The following MLC1 variants were observed in gnomAD, a reference collection of about 807,000 sequenced individuals.
MLC1 encodes the protein modulator of VRAC current 1.
In MLC1, 32 loss-of-function variants were observed where a neutral mutation model predicts 44.7. The observed-to-expected ratio is 0.72, with a 90% CI of 0.54 to 0.96. The LOEUF is 0.96. Among genes scored for constraint, MLC1 ranks in the 40% least tolerant of loss-of-function variants. The pLI is 0.00. For synonymous variants in MLC1, 190 were observed against 213.0 expected (o/e 0.89, Z 0.94); for missense variants, 459 against 492.2 (o/e 0.93, Z 0.64).
intron 3 of MLC1, among the ~76,000 whole-genome samples, chr22:50,081,725 C>A (rs2062147375): frequency 6.6e-6 from 1 of 152,264 alleles, no homozygotes; most frequent in South Asian, 2.1e-4. Flanking sequence ...GCCAGGACAG[C>A]CAGGCTCAGC....
chr22:50,084,209 A>G (rs1200874794), intron 2 of MLC1, among the ~76,000 whole-genome samples: 1 of 152,116 alleles, frequency 6.6e-6, no homozygotes, highest in East Asian at 1.9e-4. Context: ...CTGTGCAGGG[A>G]ATGGCCAGGA....
chr22:50,061,317 G>T lies in MLC1; in HGVS notation c.*266C>A. On this transcript the variant is annotated 3_prime_UTR_variant, in exon 12 of 12. Coordinates refer to ENST00000311597, the MANE Select transcript of MLC1 (RefSeq NM_015166.4). ...GAGGCCGAGCCGGGGGCCCTTCCTC[G>T]GCCTGGGAAGTTGCGGCCATGCTCC... 1.9e-6 allele frequency: 1 copy of T among 530,408 alleles called. No individual in the cohort carries two copies. The highest frequency in any genetic ancestry group is 3.4e-6 in the Non-Finnish European group (1 of 292,652). 32.9% of individuals were successfully genotyped at this position (530,408 alleles called of 1,614,324 possible).
intron 10 of MLC1, among the ~76,000 whole-genome samples, chr22:50,064,699 G>C (rs112784228): frequency 6.6e-6 from 1 of 152,204 alleles, no homozygotes; most frequent in African/African-American, 2.4e-5. Flanking sequence ...AGGAGGCAGC[G>C]CGGTGAGCTC....
intron 7 of MLC1, among the ~76,000 whole-genome samples, chr22:50,075,625 G>A (rs1183414023): frequency 6.6e-6 from 1 of 150,684 alleles, no homozygotes; most frequent in Non-Finnish European, 1.5e-5. Flanking sequence ...CGGGAGAATC[G>A]CTTCAACTCA....
chr22:50,065,622 C>T (rs573598062), intron 10 of MLC1, among the ~76,000 whole-genome samples: 51 of 152,302 alleles, frequency 3.3e-4, no homozygotes, highest in Non-Finnish European at 6.0e-4. Context: ...AAGAGGTCCT[C>T]GTCCTCACCC....
chr22:50,074,385 T>C, intron 7 of MLC1, 53 bp from the exon 8 acceptor site: 1 of 1,436,386 alleles, frequency 7.0e-7, no homozygotes, highest in Admixed American at 1.7e-5. Context: ...CACCCCCAGA[T>C]TCCCAGAATG....
intron 3 of MLC1, among the ~76,000 whole-genome samples, chr22:50,080,728 AAAG>A (rs2062101162): frequency 6.6e-6 from 1 of 152,192 alleles, no homozygotes; most frequent in Admixed American, 6.5e-5. Flanking sequence ...ATTTATTCTG[AAAG>A]AAGTTTTTAT....
At chr22:50,061,798 C>T (rs2061564669) in intron 11 of MLC1, 141 bp from the exon 12 acceptor site, 1 of 762,394 alleles carries the variant, frequency 1.3e-6, no homozygotes, top group South Asian at 1.5e-5. Context: ...GAAACTAACC[C>T]CTGGGCCTCT....
intron 8 of MLC1, among the ~76,000 whole-genome samples, chr22:50,072,271 AGG>A (rs1263583078): frequency 6.6e-6 from 1 of 152,192 alleles, no homozygotes; most frequent in East Asian, 1.9e-4. Flanking sequence ...AGCTCAATCA[AGG>A]GCCCTGCCCT....
At chr22:50,076,589 G>A (rs2061986665) in intron 7 of MLC1, among the ~76,000 whole-genome samples, 1 of 151,928 alleles carries the variant, frequency 6.6e-6, no homozygotes, top group African/African-American at 2.4e-5. Context: ...GGACAACAGT[G>A]TCAACTCACC....
intron 10 of MLC1, among the ~76,000 whole-genome samples, chr22:50,065,237 T>C (rs2061678394): frequency 6.6e-6 from 1 of 152,108 alleles, no homozygotes. Flanking sequence ...AAGTAATTAT[T>C]AGAAAGTCTG....
At position 50,084,944 on chromosome 22, in the gene MLC1, G is replaced by A. The variant is rs771159578; in HGVS notation, c.-42C>T. ...ACAGCTGTGCTGAATGTACAGCCAC[G>A]TGTCACCAGTTCTTTATCTGGAATA... On this transcript the variant is annotated 5_prime_UTR_variant, in exon 2 of 12. It adds an upstream start codon to the 5' untranslated region. Transcript: ENST00000311597. 1.1e-5 allele frequency: 17 copies of A among 1,604,780 alleles called. No homozygotes were observed. Among genetic ancestry groups the A allele is most frequent in the Non-Finnish European group, 1.4e-5 (16 of 1,179,522 alleles).
rs1196307431 is a variant in MLC1 at position 50,083,339 on chromosome 22, G to A, written c.178-166C>T. Among the ~76,000 whole-genome samples, 3 of 152,064 alleles carry A rather than the reference G, an allele frequency of 2.0e-5. No homozygotes were observed. The East Asian group carries it at 5.8e-4, about 29-fold the overall frequency. On this transcript the variant is annotated intron_variant, in intron 2 of 11. Transcript: ENST00000311597. This position sits in a 1 kb window ranked among gnomAD's most constrained non-coding sequence, Gnocchi z 4.6. Reference sequence around the variant, plus strand: ...CCGCCCATCCTGGACTCCTCCTGTAGGACAGACGCAGCCCCGCCGCAGCCC... The same window carrying A: ...CCGCCCATCCTGGACTCCTCCTGTAAGACAGACGCAGCCCCGCCGCAGCCC...
Position 50,084,885 on chromosome 22 carries a change from G to C in MLC1, c.18C>G (p.Phe6Leu), listed in dbSNP as rs1326856466. 9 of 1,612,446 alleles carry C rather than the reference G, an allele frequency of 5.6e-6. No individual in the cohort carries two copies. The highest frequency in any genetic ancestry group is 7.6e-6 in the Non-Finnish European group (9 of 1,180,048). Residue 6 changes from phenylalanine to leucine, a missense_variant, in exon 2 of 12, where the codon TTC (phenylalanine) becomes TTG (leucine). Transcript: ENST00000311597. ...TCCGGTCATAGGCCAGCTCCTCTCT[G>C]AATGGCTCCTGGGTCATGGCACTTG... The part of the protein sequence containing the change: MTQEP[F>L]REELAYDRMP...
chr22:50,074,572 C>G, intron 7 of MLC1: 2 of 535,434 alleles, frequency 3.7e-6, no homozygotes, highest in Non-Finnish European at 3.4e-6. Context: ...GTTTCCCCCA[C>G]TGCTGCTTTT....
chr22:50,077,845 G>C (rs955069210), intron 5 of MLC1, among the ~76,000 whole-genome samples: 1 of 152,134 alleles, frequency 6.6e-6, no homozygotes, highest in African/African-American at 2.4e-5. Flanking sequence ...CTTCATGCAT[G>C]ATTGTCAAGC....
chr22:50,074,553 C>A, intron 7 of MLC1: 1 of 576,408 alleles, frequency 1.7e-6, no homozygotes, highest in Non-Finnish European at 3.1e-6. Flanking sequence ...GTAAAATAGC[C>A]AAAGAGGTGT....
chr22:50,080,047 C>T, intron 4 of MLC1, 28 bp from the exon 5 acceptor site: 1 of 1,534,184 alleles, frequency 6.5e-7, no homozygotes, highest in Non-Finnish European at 9.0e-7. Flanking sequence ...AGGGGTTTTC[C>T]TTCTTTGAAT....
chr22:50,073,056 C>T (rs2061895743), intron 8 of MLC1, among the ~76,000 whole-genome samples: 1 of 152,014 alleles, frequency 6.6e-6, no homozygotes, highest in Non-Finnish European at 1.5e-5. Context: ...CGTTCCCGGG[C>T]AGGCGTGGGC....
Sources: gnomAD v4.1 joint callset for allele counts (sites outside exome capture counted in the v4.1 genomes callset) on GRCh38, gnomAD v4.1.1 for gene constraint, Gnocchi (gnomAD v3.1) non-coding constraint, MANE v1.5 for transcripts, NCBI Gene and HGNC (gene_info 2026-07-23, HGNC 2026-07-21) for gene names.